Variants in PDILT observed in about 807,000 individuals in gnomAD.
The protein encoded by PDILT is protein disulfide isomerase like, testis expressed.
A neutral mutation model predicts 53.7 loss-of-function variants in PDILT; 43 were observed. The ratio of observed to expected loss-of-function variants is 0.80; its 90% CI spans 0.63 to 1.03. The LOEUF (loss-of-function observed/expected upper bound fraction) is 1.03. Ranked by LOEUF, PDILT falls within the 50% of genes least tolerant of loss-of-function variation. The pLI is 0.00. For missense variants in PDILT, 727 were observed against 712.3 expected (o/e 1.02, Z -0.24); for synonymous variants, 282 against 274.2 (o/e 1.03, Z -0.28).
intron 1 of PDILT, among the ~76,000 whole-genome samples, chr16:20,401,942 A>G (rs988908207): frequency 3.9e-5 from 6 of 152,190 alleles, no homozygotes; most frequent in Admixed American, 1.3e-4. Context: ...GTTTCCAGTG[A>G]TTCATGTCCA....
chr16:20,384,707 G>C lies in PDILT; in HGVS notation c.347C>G (p.Thr116Ser), dbSNP rs934794878. The C allele has an allele frequency of 6.2e-7, 1 of 1,614,090 alleles. No individual in the cohort carries two copies. Among genetic ancestry groups the C allele is most frequent in the Admixed American group, 1.7e-5 (1 of 60,004 alleles). ...EKELQQEFGI[T>S]KAPELKLFFE... ...AAACAGCTTCAACTCCGGGGCCTTG[G>C]TAATCCCAAACTCCTGCTGAAGCTC... The change falls in exon 3 of 12, where the codon ACC becomes AGC. Residue 116 changes from threonine (T) to serine (S), a missense_variant. Physicochemically the swap from Thr to Ser is moderately conservative, Grantham distance 58. Coordinates refer to ENST00000302451, the MANE Select transcript of PDILT (RefSeq NM_174924.2).
intron 2 of PDILT, among the ~76,000 whole-genome samples, chr16:20,394,260 C>A (rs1054708156): frequency 6.6e-6 from 1 of 152,230 alleles, no homozygotes; most frequent in South Asian, 2.1e-4. Context: ...CATTCCTACC[C>A]AGAAGAGAAC....
At chr16:20,373,159 C>T in intron 5 of PDILT, 37 bp from the exon 6 acceptor site, 2 of 1,531,164 alleles carry the variant, frequency 1.3e-6, no homozygotes, top group Non-Finnish European at 1.8e-6. Flanking sequence ...AGGACAGTAG[C>T]TTTCATGATA....
In PDILT at chr16:20,362,329, G is replaced by T; in HGVS notation, c.1416+75C>A. Reference sequence around the variant, plus strand: ...ACTGGTTTGGTAGAAAGCGCAGCTGGTGGTAGGGAGAAACTGAGTCCCTGA... The same window carrying T: ...ACTGGTTTGGTAGAAAGCGCAGCTGTTGGTAGGGAGAAACTGAGTCCCTGA... On this transcript the variant is annotated intron_variant, in intron 10 of 11. Coordinates refer to ENST00000302451, the MANE Select transcript of PDILT (RefSeq NM_174924.2). 20 of 1,498,644 alleles carry T rather than the reference G, an allele frequency of 1.3e-5. 1 individual carries two copies. Among genetic ancestry groups the T allele is most frequent in the Non-Finnish European group, 1.7e-5 (19 of 1,095,802 alleles). 92.8% of individuals were successfully genotyped at this position (1,498,644 alleles called of 1,614,324 possible). A position where few individuals can be genotyped will look rare whatever the true frequency, so the allele number is the denominator to read the frequency against.
Position 20,376,112 on chromosome 16 carries a change from C to G in PDILT, c.499G>C (p.Glu167Gln). The change falls in exon 4 of 12, where the codon GAG becomes CAG. Residue 167 changes from glutamate to glutamine, a missense_variant. Transcript: ENST00000302451. The part of the protein sequence containing the change: ...FLFNSSEQVA[E>Q]FVISRPLVIV... ...ACCAAGGGCCTGGATATCACAAACT[C>G]TGCCACCTGCTCGCTGCTGTTGAAC... is the stretch of plus-strand genomic sequence containing the variant. 1.2e-6 allele frequency: 2 copies of G among 1,614,202 alleles called. No homozygotes were observed. Among genetic ancestry groups the G allele is most frequent in the Non-Finnish European group, 1.7e-6 (2 of 1,180,032 alleles).
At chr16:20,371,989 T>C (rs542739290) in intron 7 of PDILT, among the ~76,000 whole-genome samples, 299 of 152,312 alleles carry the variant, frequency 2.0e-3, no homozygotes, top group Non-Finnish European at 3.5e-3. Flanking sequence ...TTCTCAATTG[T>C]TTTATTTAAT....
At chr16:20,386,563 C>A (rs1303429444) in intron 2 of PDILT, among the ~76,000 whole-genome samples, 1 of 152,216 alleles carries the variant, frequency 6.6e-6, no homozygotes, top group East Asian at 1.9e-4. Context: ...TGCTGGTCAG[C>A]ACGCCTGCTC....
At chr16:20,400,847 A>G (rs1966731234) in intron 1 of PDILT, among the ~76,000 whole-genome samples, 1 of 152,198 alleles carries the variant, frequency 6.6e-6, no homozygotes, top group African/African-American at 2.4e-5. Flanking sequence ...AATAACCACA[A>G]TACTATGATC....
In PDILT at chr16:20,360,584, A is replaced by G. The variant is rs766815599; in HGVS notation, c.1490T>C (p.Ile497Thr). ...DFLESHIKTKIEDEDELLSVE... is the reference protein window; with the variant it reads ...DFLESHIKTKTEDEDELLSVE... ...GCCCCTTACCTCATCCTCATCCTCA[A>G]TCTTAGTTTTGATGTGGCTTTCCAG... Residue 497 changes from isoleucine (I) to threonine (T), a missense_variant, in exon 11 of 12, where the codon ATT (isoleucine) becomes ACT (threonine). Physicochemically the swap from Ile to Thr is moderately conservative, Grantham distance 89 (BLOSUM62 -1). Transcript: ENST00000302451. 8 of 1,613,546 alleles carry G rather than the reference A, an allele frequency of 5.0e-6. No homozygotes were observed. The South Asian group carries it at 6.6e-5, about 13-fold the overall frequency.
chr16:20,361,437 G>A (rs1249266051), intron 10 of PDILT, among the ~76,000 whole-genome samples: 1 of 151,946 alleles, frequency 6.6e-6, no homozygotes, highest in African/African-American at 2.4e-5. Flanking sequence ...ACTGCCTCAG[G>A]CTCCCAACGT....
chr16:20,360,248 C>A (rs546372413), intron 11 of PDILT, among the ~76,000 whole-genome samples: 5 of 152,290 alleles, frequency 3.3e-5, no homozygotes, highest in Non-Finnish European at 7.3e-5. Context: ...TCCTATGCAT[C>A]AGGAGAGTAA....
At chr16:20,376,642 A>G (rs1036324091) in intron 3 of PDILT, among the ~76,000 whole-genome samples, 6 of 152,216 alleles carry the variant, frequency 3.9e-5, no homozygotes, top group African/African-American at 1.4e-4. Context: ...TAAAATCTCA[A>G]TAAAATATAA....
intron 3 of PDILT, among the ~76,000 whole-genome samples, chr16:20,376,597 A>T (rs1430350739): frequency 6.6e-6 from 1 of 152,122 alleles, no homozygotes; most frequent in Non-Finnish European, 1.5e-5. Context: ...TTTCTTATGA[A>T]CTCTCCAAGG....
chr16:20,385,553 A>C (rs1255602814), intron 2 of PDILT, among the ~76,000 whole-genome samples: 2 of 152,212 alleles, frequency 1.3e-5, no homozygotes, highest in African/African-American at 4.8e-5. Context: ...AAAGGCATGC[A>C]GAGTGGTATA....
chr16:20,362,325 G>T, intron 10 of PDILT, 79 bp downstream of exon 10: 1 of 1,476,070 alleles, frequency 6.8e-7, no homozygotes, highest in Non-Finnish European at 9.3e-7. Context: ...AGAAAGCGCA[G>T]CTGGTGGTAG....
At chr16:20,403,020 G>A (rs979325278) in intron 1 of PDILT, among the ~76,000 whole-genome samples, 26 of 152,210 alleles carry the variant, frequency 1.7e-4, no homozygotes, top group African/African-American at 6.0e-4. Context: ...AGAGGAGAGT[G>A]GCTGTCATGG....
At chr16:20,362,377 G>A (rs778833880) in intron 10 of PDILT, 27 bp downstream of exon 10, 11 of 1,611,040 alleles carry the variant, frequency 6.8e-6, no homozygotes, top group Middle Eastern at 3.3e-4. Flanking sequence ...ATTGTTTTCA[G>A]CCATGTGCGT....
intron 3 of PDILT, among the ~76,000 whole-genome samples, chr16:20,376,440 A>G (rs746360846): frequency 3.9e-5 from 6 of 152,210 alleles, no homozygotes; most frequent in Non-Finnish European, 8.8e-5. Context: ...AACGTTTTGC[A>G]TATATTAAAT....
chr16:20,400,036 ATCTATCTATC>A (rs1301509290), intron 1 of PDILT, among the ~76,000 whole-genome samples: 79 of 122,468 alleles, frequency 6.5e-4, no homozygotes, highest in Middle Eastern at 3.9e-3. Context: ...CTATCTATCT[ATCTATCTATC>A]TATCTATCTA....
Sources: allele counts gnomAD v4.1 joint callset (sites outside exome capture counted in the v4.1 genomes callset), GRCh38; gene constraint gnomAD v4.1.1; transcripts MANE v1.5; gene names NCBI Gene and HGNC (gene_info 2026-07-23, HGNC 2026-07-21).